The following DENND1A variants were observed in gnomAD, a reference collection of about 807,000 sequenced individuals.
DENND1A encodes DENN domain-containing protein 1A.
A neutral mutation model predicts 113.7 loss-of-function variants in DENND1A; 51 were observed. That is an observed-to-expected ratio of 0.45 (90% CI 0.36 to 0.57). The LOEUF (loss-of-function observed/expected upper bound fraction) is 0.57. Among genes scored for constraint, DENND1A ranks in the 20% least tolerant of loss-of-function variants. The probability of loss-of-function intolerance (pLI) is 0.00; values close to 1 mark genes in which losing one functional copy is unlikely to be tolerated. For missense variants in DENND1A, 1,258 were observed against 1,395.9 expected (o/e 0.90, Z 1.57); for synonymous variants, 565 against 570.8 (o/e 0.99, Z 0.14).
chr9:123,860,964 G>A (rs541788729), intron 2 of DENND1A, among the ~76,000 whole-genome samples: 1 of 152,324 alleles, frequency 6.6e-6, no homozygotes, highest in East Asian at 1.9e-4. Context: ...ATTAATTTAT[G>A]AAGCCATGAA....
chr9:123,486,462 G>C (rs956937341), intron 13 of DENND1A, among the ~76,000 whole-genome samples: 1 of 152,066 alleles, frequency 6.6e-6, no homozygotes, highest in Non-Finnish European at 1.5e-5. Flanking sequence ...GCCTCAGCTT[G>C]ATACACACCG....
In DENND1A at chr9:123,556,389, T is replaced by C. The variant is rs16926620; in HGVS notation, c.993+1181A>G. 5.3e-3 allele frequency among the ~76,000 whole-genome samples: 805 copies of C among 152,298 alleles called. 3 individuals are homozygous for C. Among genetic ancestry groups the C allele is most frequent in the African/African-American group, 0.019 (771 of 41,560 alleles). ...AAACAAGGTGTTTGCTGTTACTCTT[T>C]GTGTTTTACTTGAATACACGACGGA... is the stretch of plus-strand genomic sequence containing the variant. On this transcript the variant is annotated intron_variant, in intron 13 of 23. Coordinates refer to ENST00000394215, the MANE Select transcript of DENND1A (RefSeq NM_001352964.2).
At chr9:123,743,645 T>A (rs1435099063) in intron 5 of DENND1A, among the ~76,000 whole-genome samples, 1 of 151,384 alleles carries the variant, frequency 6.6e-6, no homozygotes, top group Non-Finnish European at 1.5e-5. Context: ...GGCAGGAGAA[T>A]CACTTGAACC....
At chr9:123,546,311 G>A (rs1273175889) in intron 13 of DENND1A, among the ~76,000 whole-genome samples, 149 of 151,904 alleles carry the variant, frequency 9.8e-4, no homozygotes, top group African/African-American at 3.5e-3. Flanking sequence ...CACTTTGGGA[G>A]GCCAAGGTGG....
In DENND1A at chr9:123,761,095, T is replaced by C. The variant is rs1034818044; in HGVS notation, c.183-3273A>G. ...GAATGAATGCACCTGACTTGTGAAT[T>C]GTGTGTCATTAATTTCCTACTCTCT... On this transcript the variant is annotated intron_variant, in intron 4 of 23. Coordinates refer to ENST00000394215, the MANE Select transcript of DENND1A (RefSeq NM_001352964.2). Among the ~76,000 whole-genome samples, 3 of 152,180 alleles carry C rather than the reference T, an allele frequency of 2.0e-5. No individual in the cohort carries two copies. In the East Asian group the frequency reaches 5.8e-4, roughly 29 times the overall value.
intron 11 of DENND1A, among the ~76,000 whole-genome samples, chr9:123,598,564 T>C (rs899463907): frequency 1.3e-5 from 2 of 152,170 alleles, no homozygotes; most frequent in Non-Finnish European, 2.9e-5. Context: ...TAAACAATTT[T>C]TGGAAACCTA....
intron 7 of DENND1A, among the ~76,000 whole-genome samples, chr9:123,670,165 C>G (rs1446699535): frequency 6.6e-6 from 1 of 152,134 alleles, no homozygotes; most frequent in Non-Finnish European, 1.5e-5. Context: ...ATTTTATCAT[C>G]ATTTTGAAAA....
At chr9:123,801,232 T>C (rs1834612311) in intron 2 of DENND1A, among the ~76,000 whole-genome samples, 1 of 152,228 alleles carries the variant, frequency 6.6e-6, no homozygotes, top group South Asian at 2.1e-4. Context: ...ATTCACATTG[T>C]TGTGCCACAA....
At chr9:123,686,895 C>T (rs2064843360) in intron 5 of DENND1A, among the ~76,000 whole-genome samples, 1 of 152,142 alleles carries the variant, frequency 6.6e-6, no homozygotes, top group Non-Finnish European at 1.5e-5. Context: ...AAATAGTACT[C>T]ATTTAAGTTC....
At chr9:123,574,461 G>T (rs10986061) in intron 12 of DENND1A, among the ~76,000 whole-genome samples, 8,495 of 151,992 alleles carry the variant, frequency 0.056, 330 homozygotes, top group South Asian at 0.094. Context: ...CAAGGAATTT[G>T]TTCATTTTAC....
At chr9:123,391,978 C>A (rs895000961) in intron 21 of DENND1A, among the ~76,000 whole-genome samples, 1 of 152,150 alleles carries the variant, frequency 6.6e-6, no homozygotes, top group Non-Finnish European at 1.5e-5. Flanking sequence ...CCATCATCCC[C>A]CACGGCTGCT....
chr9:123,705,885 T>C (rs1176602743), intron 5 of DENND1A, among the ~76,000 whole-genome samples: 4 of 152,118 alleles, frequency 2.6e-5, no homozygotes, highest in African/African-American at 4.8e-5. Flanking sequence ...GAGAACTAGA[T>C]AGATATTAAG....
At chr9:123,769,804 C>CA (rs1176106444) in intron 3 of DENND1A, among the ~76,000 whole-genome samples, 1 of 152,074 alleles carries the variant, frequency 6.6e-6, no homozygotes, top group Non-Finnish European at 1.5e-5. Flanking sequence ...CAGCAGGAGC[C>CA]ATGCAGGAAA....
intron 1 of DENND1A, among the ~76,000 whole-genome samples, chr9:123,912,253 G>A (rs1048707462): frequency 6.6e-6 from 1 of 152,062 alleles, no homozygotes; most frequent in Non-Finnish European, 1.5e-5. Context: ...TTACATATAA[G>A]ACAAACATAA....
intron 11 of DENND1A, among the ~76,000 whole-genome samples, 164 bp downstream of exon 11, chr9:123,609,272 T>C (rs540260566): frequency 2.6e-5 from 4 of 152,264 alleles, no homozygotes; most frequent in African/African-American, 7.2e-5. Flanking sequence ...CAGAGCCCAG[T>C]GCACGGCGTC....
intron 13 of DENND1A, among the ~76,000 whole-genome samples, chr9:123,516,884 CAAAAAAAAAA>C (rs546001517): frequency 2.5e-4 from 23 of 93,388 alleles, no homozygotes; most frequent in African/African-American, 8.0e-4. Context: ...GACTCTGTCT[CAAAAAAAAAA>C]AAAAAAAAAA....
chr9:123,775,053 T>C (rs920687973), intron 3 of DENND1A, among the ~76,000 whole-genome samples: 1 of 152,228 alleles, frequency 6.6e-6, no homozygotes, highest in African/African-American at 2.4e-5. Flanking sequence ...CAAACTTAGC[T>C]AAAACAAAGT....
chr9:123,676,438 C>T (rs964082962), intron 6 of DENND1A, among the ~76,000 whole-genome samples: 2 of 152,182 alleles, frequency 1.3e-5, no homozygotes, highest in South Asian at 2.1e-4. Context: ...AGAAATTGAA[C>T]ATTAACTCTG....
At chr9:123,642,720 G>C (rs2062093644) in intron 9 of DENND1A, among the ~76,000 whole-genome samples, 2 of 152,322 alleles carry the variant, frequency 1.3e-5, no homozygotes, top group African/African-American at 4.8e-5. Flanking sequence ...ATGCAGAGTG[G>C]AGTGTGCAGG....
Sources: allele counts gnomAD v4.1 joint callset (sites outside exome capture counted in the v4.1 genomes callset), GRCh38; gene constraint gnomAD v4.1.1; transcripts MANE v1.5; gene names NCBI Gene and HGNC (gene_info 2026-07-23, HGNC 2026-07-21).